The following COL24A1 variants were observed in gnomAD, a reference collection of about 807,000 sequenced individuals.
The protein encoded by COL24A1 is collagen type XXIV alpha 1 chain, also known as collagen alpha-1(XXIV) chain.
Under a neutral mutation model 253.9 loss-of-function variants are expected in COL24A1, and 224 were observed. The observed-to-expected ratio is 0.88, with a 90% CI of 0.79 to 0.99. The LOEUF (loss-of-function observed/expected upper bound fraction) is 0.99. COL24A1 is among the 50% of genes least tolerant of loss of function. COL24A1 has a pLI of 0.00. For synonymous variants in COL24A1, 685 were observed against 673.7 expected, an observed-to-expected ratio of 1.02 and a Z score of -0.26; for missense variants, 2,131 against 2,068.5, an observed-to-expected ratio of 1.03 and a Z score of -0.59.
intron 43 of COL24A1, among the ~76,000 whole-genome samples, chr1:85,825,256 T>A (rs1674146857): frequency 6.6e-6 from 1 of 152,116 alleles, no homozygotes; most frequent in African/African-American, 2.4e-5. Context: ...CATGAACTCA[T>A]CATTTTTTAT....
intron 7 of COL24A1, among the ~76,000 whole-genome samples, chr1:86,083,098 C>G (rs1702779100): frequency 6.6e-6 from 1 of 151,930 alleles, no homozygotes; most frequent in Non-Finnish European, 1.5e-5. Flanking sequence ...GAAATCGAGA[C>G]CATTCTGGCT....
At chr1:86,104,540 T>C (rs1224281109) in intron 5 of COL24A1, among the ~76,000 whole-genome samples, 3 of 152,206 alleles carry the variant, frequency 2.0e-5, no homozygotes, top group African/African-American at 7.2e-5. Flanking sequence ...TGATGTCCTT[T>C]GAATGGTTTG....
intron 1 of COL24A1, among the ~76,000 whole-genome samples, chr1:86,151,249 C>T (rs147914450): frequency 3.5e-4 from 54 of 152,144 alleles, no homozygotes; most frequent in Non-Finnish European, 7.1e-4. Context: ...AGTTTACTCC[C>T]ACAAACAGTC....
intron 32 of COL24A1, among the ~76,000 whole-genome samples, 165 bp from the exon 33 acceptor site, chr1:85,877,340 T>C (rs955300677): frequency 2.0e-5 from 3 of 152,180 alleles, no homozygotes; most frequent in Non-Finnish European, 4.4e-5. Flanking sequence ...CAAAATTATA[T>C]CTTTAATTGA....
rs533008874 is a variant in COL24A1, at chr1:85,793,236, G to GGTTC, written c.3952-6779_3952-6776dup. 4.7e-4 allele frequency among the ~76,000 whole-genome samples: 71 copies of GGTTC among 152,106 alleles called. 1 individual carries two copies. The South Asian group carries it at 0.015, about 31-fold the overall frequency. On this transcript the variant is annotated intron_variant, in intron 47 of 59. Transcript: ENST00000370571. ...CTAAAATAATGTATTTTGTATCTAA[G>GGTTC]GTTCATCTCCAATCCTGGGTGCTTA...
chr1:85,868,725 A>G (rs1680067520), intron 36 of COL24A1, 57 bp downstream of exon 36: 3 of 1,401,352 alleles, frequency 2.1e-6, no homozygotes, highest in African/African-American at 2.9e-5. Context: ...GATGTCTAAT[A>G]TTTTAAAGAT....
rs1050700681 is a variant in COL24A1, at chr1:85,863,168, T to C, written c.3300+5351A>G. On this transcript the variant is annotated intron_variant, in intron 37 of 59. Coordinates refer to ENST00000370571, the MANE Select transcript of COL24A1 (RefSeq NM_152890.7). Reference sequence around the variant, plus strand: ...TTGTGATTTTTGCACATTGATTTTGTATGCTGAGACTTTGCTGAAGTTGCT... The same window carrying C: ...TTGTGATTTTTGCACATTGATTTTGCATGCTGAGACTTTGCTGAAGTTGCT... 2.6e-5 allele frequency among the ~76,000 whole-genome samples: 4 copies of C among 152,248 alleles called. No individual in the cohort carries two copies. The East Asian group carries it at 7.7e-4, about 29-fold the overall frequency.
intron 11 of COL24A1, among the ~76,000 whole-genome samples, chr1:86,047,823 T>C (rs563324938): frequency 6.6e-6 from 1 of 152,114 alleles, no homozygotes; most frequent in East Asian, 1.9e-4. Context: ...TACTTGCAGA[T>C]TAAAGCATCT....
intron 3 of COL24A1, among the ~76,000 whole-genome samples, chr1:86,123,442 T>G (rs1347221108): frequency 1.3e-5 from 2 of 152,050 alleles, no homozygotes; most frequent in African/African-American, 4.8e-5. Flanking sequence ...TAGTTATAAA[T>G]GTACTTCCTT....
intron 45 of COL24A1, among the ~76,000 whole-genome samples, chr1:85,822,192 A>G (rs970672688): frequency 3.3e-5 from 5 of 152,292 alleles, no homozygotes; most frequent in African/African-American, 1.2e-4. Flanking sequence ...AGATGCCAAG[A>G]CTATACAAAA....
chr1:86,039,801 A>C (rs1298348634), intron 12 of COL24A1, among the ~76,000 whole-genome samples: 1 of 152,170 alleles, frequency 6.6e-6, no homozygotes, highest in Non-Finnish European at 1.5e-5. Context: ...GTTATTTTAA[A>C]ATCCCTCAAA....
intron 47 of COL24A1, among the ~76,000 whole-genome samples, chr1:85,813,802 C>T (rs1000611598): frequency 9.9e-5 from 15 of 151,916 alleles, no homozygotes; most frequent in Non-Finnish European, 2.1e-4. Flanking sequence ...CCGCCCGCCT[C>T]GGCCTCCCAA....
intron 31 of COL24A1, among the ~76,000 whole-genome samples, chr1:85,892,082 A>T (rs1226256842): frequency 6.6e-6 from 1 of 152,150 alleles, no homozygotes; most frequent in East Asian, 1.9e-4. Flanking sequence ...ACTATGAAAG[A>T]TTTCCTATAT....
In COL24A1 at chr1:86,156,525, C is replaced by A; in HGVS notation, c.-129G>T. 1.3e-6 allele frequency: 1 copy of A among 791,032 alleles called. No homozygotes were observed. The highest frequency in any genetic ancestry group is 1.8e-6 in the Non-Finnish European group (1 of 543,422). The allele number at this position is 791,032 out of a possible 1,614,324, so 49.0% of individuals were successfully genotyped here. The stretch of plus-strand genomic sequence containing the variant: ...ACATGAAAACCATGCTTCAAACCCG[C>A]AACAAGAAAAAAAGGAGGGGAGGGG... On this transcript the variant is annotated 5_prime_UTR_variant, in exon 1 of 60. Coordinates refer to ENST00000370571, the MANE Select transcript of COL24A1 (RefSeq NM_152890.7).
intron 53 of COL24A1, among the ~76,000 whole-genome samples, chr1:85,762,017 TATTG>T (rs1666895429): frequency 6.6e-6 from 1 of 152,172 alleles, no homozygotes; most frequent in Non-Finnish European, 1.5e-5. Context: ...TCTCCATTTT[TATTG>T]ATAATTAAAT....
intron 24 of COL24A1, among the ~76,000 whole-genome samples, chr1:85,949,013 A>G (rs919933713): frequency 7.2e-5 from 11 of 152,274 alleles, no homozygotes; most frequent in African/African-American, 2.6e-4. Context: ...CATACTTTTG[A>G]CAATTTTTCA....
At chr1:85,783,320 C>T (rs1669327456) in intron 51 of COL24A1, among the ~76,000 whole-genome samples, 176 bp downstream of exon 51, 1 of 149,988 alleles carries the variant, frequency 6.7e-6, no homozygotes, top group Non-Finnish European at 1.5e-5. Flanking sequence ...AGGTATTTTG[C>T]TCAAACTAAT....
chr1:86,094,710 C>T (rs1290274757), intron 5 of COL24A1, among the ~76,000 whole-genome samples: 8 of 151,818 alleles, frequency 5.3e-5, no homozygotes, highest in South Asian at 2.1e-4. Flanking sequence ...ACTATTAAGG[C>T]TACAATTTTA....
In COL24A1 at chr1:85,987,642, C is replaced by A; in HGVS notation, c.2323G>T (p.Asp775Tyr). The A allele has an allele frequency of 6.2e-7, 1 of 1,610,212 alleles. No individual in the cohort carries two copies. Among genetic ancestry groups the A allele is most frequent in the Non-Finnish European group, 8.5e-7 (1 of 1,177,710 alleles). ...CCGTTTTGTCCAGGAATCCCAATAT[C>A]TCCTGGAAAACCCTAGGGAATATAA... ...GPPGPEGFPG[D>Y]IGIPGQNGPE... Residue 775 changes from aspartate (D) to tyrosine (Y), a missense_variant, in exon 20 of 60, where the codon GAT becomes TAT. Asp to Tyr is a radical substitution (Grantham distance 160, BLOSUM62 -3). Transcript: ENST00000370571.
Sources: gnomAD v4.1 joint callset for allele counts (sites outside exome capture counted in the v4.1 genomes callset) on GRCh38, gnomAD v4.1.1 for gene constraint, MANE v1.5 for transcripts, NCBI Gene and HGNC (gene_info 2026-07-23, HGNC 2026-07-21) for gene names.